CAMTA2: variants seen among roughly 807,000 people sequenced by gnomAD.
CAMTA2 encodes calmodulin binding transcription activator 2, also known as calmodulin-binding transcription activator 2.
In CAMTA2, 56 loss-of-function variants were observed where a neutral mutation model predicts 135.7. The ratio of observed to expected loss-of-function variants is 0.41; its 90% CI spans 0.33 to 0.52. The LOEUF (loss-of-function observed/expected upper bound fraction) is 0.52, where lower values mean the gene tolerates loss of function less well. Ranked by LOEUF, CAMTA2 falls within the 20% of genes least tolerant of loss-of-function variation. The pLI is 0.16. For missense variants in CAMTA2, 1,358 were observed against 1,553.4 expected (o/e 0.87, Z 2.11); for synonymous variants, 591 against 604.6 (o/e 0.98, Z 0.33).
chr17:4,973,167 A>G lies in CAMTA2; in HGVS notation c.2280+8T>C, dbSNP rs368002094. ...CCCCATATGCGCTCAGGAATCCGTCATCCTCACCAGAGGGGTGCAAGAGAA... is the reference window on the plus strand; with the variant it reads ...CCCCATATGCGCTCAGGAATCCGTCGTCCTCACCAGAGGGGTGCAAGAGAA... On this transcript the variant is annotated splice_region_variant and intron_variant, in intron 14 of 22. Transcript: ENST00000348066. 4.3e-6 allele frequency: 7 copies of G among 1,612,422 alleles called. No individual in the cohort carries two copies. The highest frequency in any genetic ancestry group is 1.3e-5 in the African/African-American group (1 of 74,616).
At chr17:4,975,409 G>A (rs1037840876) in intron 11 of CAMTA2, among the ~76,000 whole-genome samples, 1 of 152,094 alleles carries the variant, frequency 6.6e-6, no homozygotes, top group African/African-American at 2.4e-5. Flanking sequence ...AAGAAAGGAC[G>A]ATAAAAGACA....
At chr17:4,987,043 C>T in intron 1 of CAMTA2, 1 of 1,415,324 alleles carries the variant, frequency 7.1e-7, no homozygotes, top group Non-Finnish European at 9.2e-7. Flanking sequence ...CGGGCTCCGC[C>T]AGGTGTCCAG....
chr17:4,969,111 T>C lies in CAMTA2; in HGVS notation c.3470+39A>G, dbSNP rs1379280005. On this transcript the variant is annotated intron_variant, in intron 21 of 22. Transcript: ENST00000348066. This position sits in a 1 kb window ranked among gnomAD's most constrained non-coding sequence, Gnocchi z 5.6. Reference sequence around the variant, plus strand: ...GATGAGTAAGGGGGAATGGCGTGGATGCAGTGGGTGGGCACAGAGGGCTGG... The same window carrying C: ...GATGAGTAAGGGGGAATGGCGTGGACGCAGTGGGTGGGCACAGAGGGCTGG... 2 of 1,589,012 alleles carry C rather than the reference T, an allele frequency of 1.3e-6. No homozygotes were observed. The highest frequency in any genetic ancestry group is 1.7e-6 in the Non-Finnish European group (2 of 1,166,624).
At position 4,980,614 on chromosome 17, in the gene CAMTA2, C is replaced by T; in HGVS notation, c.708G>A (p.Gly236=). 1 of 1,613,588 alleles carries T rather than the reference C, an allele frequency of 6.2e-7. No individual in the cohort carries two copies. The highest frequency in any genetic ancestry group is 1.1e-5 in the South Asian group (1 of 91,048). Residue 236 remains glycine (G), a synonymous_variant, in exon 9 of 23, where the codon GGG becomes GGA. Transcript: ENST00000348066. This position sits in a 1 kb window ranked among gnomAD's most constrained non-coding sequence, Gnocchi z 5.3. ...TGCTGCTGCATTTGTGGGTAAGGCT[C>T]CCAGAACCTGGAGTGGAGAGGAGTA... ...ACLCSGGLGS[G]SLTHKCSSTK...
chr17:4,983,918 GT>G (rs1444521844), intron 3 of CAMTA2, among the ~76,000 whole-genome samples: 3 of 150,984 alleles, frequency 2.0e-5, no homozygotes, highest in Admixed American at 6.6e-5. Context: ...AATTTCAGTG[GT>G]TTGACACTGC....
chr17:4,974,331 C>T, intron 12 of CAMTA2, 54 bp downstream of exon 12: 1 of 1,130,368 alleles, frequency 8.8e-7, no homozygotes, highest in Non-Finnish European at 1.3e-6. Flanking sequence ...TTTTCTTTAG[C>T]TGTGTCCTCC....
Position 4,968,589 on chromosome 17 carries a change from G to A in CAMTA2, c.*167C>T. On this transcript the variant is annotated 3_prime_UTR_variant, in exon 23 of 23. Coordinates refer to ENST00000348066, the MANE Select transcript of CAMTA2 (RefSeq NM_015099.4). The stretch of plus-strand genomic sequence containing the variant: ...GGGGCACGACCAGGAGGGACGAGGA[G>A]AGGGGTGTGGGAGCAAGGCGTGGGG... 1 of 693,468 alleles carries A rather than the reference G, an allele frequency of 1.4e-6. No individual in the cohort carries two copies. Among genetic ancestry groups the A allele is most frequent in the East Asian group, 2.7e-5 (1 of 36,862 alleles). 43.0% of individuals were successfully genotyped at this position (693,468 alleles called of 1,614,324 possible).
Position 4,972,841 on chromosome 17 carries a change from C to T in CAMTA2, c.2431G>A (p.Glu811Lys). Residue 811 changes from glutamate to lysine, a missense_variant, in exon 15 of 23, where the codon GAA becomes AAA. Coordinates refer to ENST00000348066, the MANE Select transcript of CAMTA2 (RefSeq NM_015099.4). ...GHVRLARCLEELQRQEPSVEP... is the reference protein window; with the variant it reads ...GHVRLARCLEKLQRQEPSVEP... ...ACCGAAGGCTCCTGTCTCTGTAGTT[C>T]CTCAAGGCAGCGGGCAAGGCGCACA... The T allele has an allele frequency of 6.2e-7, 1 of 1,613,922 alleles. No individual in the cohort carries two copies. The highest frequency in any genetic ancestry group is 8.5e-7 in the Non-Finnish European group (1 of 1,180,028).
intron 1 of CAMTA2, chr17:4,987,026 C>T: frequency 2.1e-6 from 3 of 1,425,500 alleles, no homozygotes; most frequent in Non-Finnish European, 2.7e-6. Context: ...GGCGGAGGCT[C>T]TCAGCACGGG....
At chr17:4,974,268 C>T in intron 12 of CAMTA2, 117 bp downstream of exon 12, 1 of 690,372 alleles carries the variant, frequency 1.4e-6, no homozygotes, top group Non-Finnish European at 2.6e-6. Flanking sequence ...AGAGGGAAGA[C>T]AGGCTGAGGA....
Position 4,969,189 on chromosome 17 carries a change from G to T in CAMTA2, c.3431C>A (p.Pro1144His). ...CAGGGTGGCCGAAGTCCGGTGGGGA[G>T]GGCCGGGCCTGCGGCGGTAGGAGCG... is the stretch of plus-strand genomic sequence containing the variant. The part of the protein sequence containing the change: ...HYRSYRRRPG[P>H]PHRTSATLPA... Residue 1144 changes from proline (P) to histidine (H), a missense_variant, in exon 21 of 23, where the codon CCT (proline) becomes CAT (histidine). Physicochemically the swap from Pro to His is moderately conservative, Grantham distance 77. Coordinates refer to ENST00000348066, the MANE Select transcript of CAMTA2 (RefSeq NM_015099.4). This position sits in a 1 kb window ranked among gnomAD's most constrained non-coding sequence, Gnocchi z 5.6. 1 of 1,611,218 alleles carries T rather than the reference G, an allele frequency of 6.2e-7. No individual in the cohort carries two copies.
At chr17:4,972,711 G>A in intron 15 of CAMTA2, 58 bp downstream of exon 15, 1 of 1,546,706 alleles carries the variant, frequency 6.5e-7, no homozygotes, top group Admixed American at 1.7e-5. Context: ...CTTTGGCTTT[G>A]TCCTGGCCTA....
Position 4,982,155 on chromosome 17 carries a change from G to C in CAMTA2, c.345C>G (p.Leu115=). Reference sequence around the variant, plus strand: ...TGGAAGAGTGAACGTAGCAGCCATAGAGACACTGCCAGGAGACAGGCTGGG... The same window carrying C: ...TGGAAGAGTGAACGTAGCAGCCATACAGACACTGCCAGGAGACAGGCTGGG... The part of the protein sequence containing the change: ...MKLKVQGMEC[L]YGCYVHSSIV... The change falls in exon 6 of 23, where the codon CTC becomes CTG. Residue 115 remains leucine, a synonymous_variant. Transcript: ENST00000348066. 6 of 1,486,258 alleles carry C rather than the reference G, an allele frequency of 4.0e-6. No homozygotes were observed. The highest frequency in any genetic ancestry group is 2.5e-5 in the East Asian group (1 of 39,810). 92.1% of individuals were successfully genotyped at this position (1,486,258 alleles called of 1,614,324 possible).
Position 4,972,296 on chromosome 17 carries a change from G to A in CAMTA2, c.2744C>T (p.Pro915Leu). The A allele has an allele frequency of 1.2e-6, 2 of 1,614,044 alleles. No homozygotes were observed. The highest frequency in any genetic ancestry group is 1.7e-6 in the Non-Finnish European group (2 of 1,179,974). ...TGGAGCAGCCCCATCATCTGAAGCT[G>A]GTGGGAGGGCAGGAAGGGAGGAGAG... ...GPLSSLPALPPASDDGAAPED... is the reference protein window; with the variant it reads ...GPLSSLPALPLASDDGAAPED... The change falls in exon 16 of 23, where the codon CCA becomes CTA. Residue 915 changes from proline (P) to leucine (L), a missense_variant. Physicochemically the swap from Pro to Leu is moderately conservative, Grantham distance 98. Around this residue, in one of 4 missense-constraint regions of CAMTA2, gnomAD observed 1,077 missense variants for 1,127.5 expected, o/e 0.96. Transcript: ENST00000348066.
chr17:4,987,322 G>A (rs1973416362), intron 1 of CAMTA2: 2 of 1,345,352 alleles, frequency 1.5e-6, no homozygotes, highest in Admixed American at 7.7e-5. Context: ...GAGAAGCCGG[G>A]AGCAGAGTCC....
chr17:4,969,072 A>C lies in CAMTA2; in HGVS notation c.3470+78T>G. On this transcript the variant is annotated intron_variant, in intron 21 of 22. Transcript: ENST00000348066. The surrounding 1 kb of genome is among the most constrained non-coding windows in gnomAD (Gnocchi z 5.6). ...CCTAGGCAGGGAATGGCAGTGAGGC[A>C]TGATGATCAAGAGGATGAGTAAGGG... The C allele has an allele frequency of 6.3e-7, 1 of 1,580,968 alleles. No homozygotes were observed. The highest frequency in any genetic ancestry group is 8.7e-7 in the Non-Finnish European group (1 of 1,155,948).
At chr17:4,978,830 GTC>G (rs771309578) in intron 9 of CAMTA2, among the ~76,000 whole-genome samples, 200 bp from the exon 10 acceptor site, 2 of 152,138 alleles carry the variant, frequency 1.3e-5, no homozygotes, top group African/African-American at 4.8e-5. Context: ...TGGTTGCCTG[GTC>G]TCTACCTGAA....
In CAMTA2 at chr17:4,972,267, C is replaced by T. The variant is rs367576965; in HGVS notation, c.2773G>A (p.Asp925Asn). Residue 925 changes from aspartate to asparagine, a missense_variant, in exon 16 of 23, where the codon GAC becomes AAC. Physicochemically the swap from Asp to Asn is conservative, Grantham distance 23. Around this residue, in one of 4 missense-constraint regions of CAMTA2, gnomAD observed 1,077 missense variants for 1,127.5 expected, o/e 0.96. Transcript: ENST00000348066. ...TCCACAGCCTGTGGGCTGTCAGCGTCCTCTGGAGCAGCCCCATCATCTGAA... is the reference window on the plus strand; with the variant it reads ...TCCACAGCCTGTGGGCTGTCAGCGTTCTCTGGAGCAGCCCCATCATCTGAA... The part of the protein sequence containing the change: ...PASDDGAAPE[D>N]ADSPQAVDVI... The T allele has an allele frequency of 7.4e-6, 12 of 1,613,928 alleles. No homozygotes were observed. In the African/African-American group the frequency reaches 1.1e-4, roughly 14 times the overall value.
chr17:4,973,997 A>G, intron 12 of CAMTA2: 1 of 563,424 alleles, frequency 1.8e-6, no homozygotes. Context: ...GTGCCTTCCC[A>G]TCAGCTCAGA....
Sources: allele counts gnomAD v4.1 joint callset (sites outside exome capture counted in the v4.1 genomes callset), GRCh38; gene constraint gnomAD v4.1.1; regional missense constraint gnomAD v4.1.1; non-coding constraint Gnocchi (gnomAD v3.1); transcripts MANE v1.5; gene names NCBI Gene and HGNC (gene_info 2026-07-23, HGNC 2026-07-21).